The following NKAIN2 variants were observed in gnomAD, a reference collection of about 807,000 sequenced individuals.
The protein encoded by NKAIN2 is sodium/potassium transporting ATPase interacting 2.
NKAIN2 carries 14 observed loss-of-function variants against 32.6 expected under a neutral mutation model. That is an observed-to-expected ratio of 0.43 (90% CI 0.28 to 0.67). NKAIN2 has a LOEUF of 0.67. Among genes scored for constraint, NKAIN2 ranks in the 30% least tolerant of loss-of-function variants. NKAIN2 has a pLI of 0.17. For missense variants in NKAIN2, 198 were observed against 258.3 expected, an observed-to-expected ratio of 0.77 and a Z score of 1.60; for synonymous variants, 80 against 87.2, an observed-to-expected ratio of 0.92 and a Z score of 0.46.
intron 5 of NKAIN2, among the ~76,000 whole-genome samples, chr6:124,804,086 T>A (rs1780403262): frequency 6.6e-6 from 1 of 152,324 alleles, no homozygotes; most frequent in South Asian, 2.1e-4. Flanking sequence ...AGGCACAACC[T>A]GAGCACAGGT....
chr6:124,280,769 C>T (rs1473735838), intron 1 of NKAIN2, among the ~76,000 whole-genome samples: 1 of 152,116 alleles, frequency 6.6e-6, no homozygotes, highest in African/African-American at 2.4e-5. Context: ...ATATTATAAC[C>T]CTTACACTTA....
intron 1 of NKAIN2, among the ~76,000 whole-genome samples, chr6:124,148,370 A>G (rs966237995): frequency 1.6e-4 from 24 of 152,236 alleles, no homozygotes; most frequent in African/African-American, 5.8e-4. Context: ...CATTTCATCA[A>G]AAAGAAACTC....
At chr6:124,653,951 A>G (rs1195490613) in intron 3 of NKAIN2, among the ~76,000 whole-genome samples, 1 of 152,152 alleles carries the variant, frequency 6.6e-6, no homozygotes, top group African/African-American at 2.4e-5. Context: ...GTATATGAAA[A>G]TAGTCTCAAC....
At position 124,004,863 on chromosome 6, in the gene NKAIN2, A is replaced by T. The variant is rs1047483267; in HGVS notation, c.54+200609A>T. ...TACCCTAGAACTTAAGGTGTAATTAAAAAAAAAAAAGTAATAATAACAACA... is the reference window on the plus strand; with the variant it reads ...TACCCTAGAACTTAAGGTGTAATTATAAAAAAAAAAGTAATAATAACAACA... On this transcript the variant is annotated intron_variant, in intron 1 of 6. Coordinates refer to ENST00000368417, the MANE Select transcript of NKAIN2 (RefSeq NM_001040214.3). Among the ~76,000 whole-genome samples, 232 of 147,664 alleles carry T rather than the reference A, an allele frequency of 1.6e-3. 1 individual carries two copies. Among genetic ancestry groups the T allele is most frequent in the African/African-American group, 4.7e-3 (192 of 40,438 alleles).
chr6:124,422,469 T>G (rs1466489926), intron 3 of NKAIN2, among the ~76,000 whole-genome samples: 1 of 152,214 alleles, frequency 6.6e-6, no homozygotes, highest in Admixed American at 6.5e-5. Flanking sequence ...CCTATTATCT[T>G]TGTTCAAATT....
At chr6:124,553,406 C>G (rs1780362402) in intron 3 of NKAIN2, among the ~76,000 whole-genome samples, 1 of 152,200 alleles carries the variant, frequency 6.6e-6, no homozygotes, top group South Asian at 2.1e-4. Context: ...CTCCCAGGTT[C>G]AAGCGATTCT....
chr6:124,129,875 C>A (rs1041427544), intron 1 of NKAIN2, among the ~76,000 whole-genome samples: 1 of 152,124 alleles, frequency 6.6e-6, no homozygotes, highest in Non-Finnish European at 1.5e-5. Context: ...TGCCTCGCCT[C>A]CCAAAGTGCT....
At chr6:124,000,103 T>C (rs1293488469) in intron 1 of NKAIN2, among the ~76,000 whole-genome samples, 1 of 152,120 alleles carries the variant, frequency 6.6e-6, no homozygotes, top group Non-Finnish European at 1.5e-5. Context: ...AAATACTCTG[T>C]TCTTAACATT....
At chr6:124,351,155 C>T (rs752411030) in intron 2 of NKAIN2, among the ~76,000 whole-genome samples, 9 of 151,870 alleles carry the variant, frequency 5.9e-5, no homozygotes, top group Non-Finnish European at 8.8e-5. Context: ...TACATAATGG[C>T]GTTAATATAT....
At chr6:124,809,657 T>C (rs1292764411) in intron 5 of NKAIN2, among the ~76,000 whole-genome samples, 1 of 150,144 alleles carries the variant, frequency 6.7e-6, no homozygotes, top group Non-Finnish European at 1.5e-5. Flanking sequence ...CTAAAGAGCT[T>C]CTGCACAGCA....
chr6:124,342,814 TTTATTA>T (rs56290836), intron 2 of NKAIN2, among the ~76,000 whole-genome samples: 45,742 of 145,300 alleles, frequency 0.31, 7,343 homozygotes, highest in Admixed American at 0.39. Flanking sequence ...CAGAAGATGT[TTTATTA>T]TTATTATTAT....
At chr6:124,104,151 C>A (rs1163612409) in intron 1 of NKAIN2, among the ~76,000 whole-genome samples, 1 of 152,138 alleles carries the variant, frequency 6.6e-6, no homozygotes, top group Non-Finnish European at 1.5e-5. Flanking sequence ...TACCTGTTTA[C>A]CCCTTCGCTC....
intron 3 of NKAIN2, among the ~76,000 whole-genome samples, chr6:124,589,616 C>T (rs1056372441): frequency 1.8e-4 from 27 of 151,980 alleles, no homozygotes; most frequent in African/African-American, 5.3e-4. Context: ...AAAATGTGGG[C>T]GAGAAGAAAT....
At chr6:123,951,945 A>G (rs1428101825) in intron 1 of NKAIN2, among the ~76,000 whole-genome samples, 1 of 151,050 alleles carries the variant, frequency 6.6e-6, no homozygotes, top group Non-Finnish European at 1.5e-5. Flanking sequence ...TATAGTGGTA[A>G]CATTTGAAAT....
intron 1 of NKAIN2, among the ~76,000 whole-genome samples, chr6:123,827,235 G>A (rs542557828): frequency 6.6e-6 from 1 of 152,204 alleles, no homozygotes; most frequent in East Asian, 1.9e-4. Context: ...CTGAACAGAA[G>A]TAGTTAGAAG....
intron 3 of NKAIN2, among the ~76,000 whole-genome samples, chr6:124,416,886 G>A (rs570560130): frequency 1.3e-5 from 2 of 152,094 alleles, no homozygotes; most frequent in Admixed American, 1.3e-4. Context: ...CTACAGACCA[G>A]GATTTCAGCA....
chr6:124,645,863 G>A (rs1200839278), intron 3 of NKAIN2, among the ~76,000 whole-genome samples: 2 of 152,060 alleles, frequency 1.3e-5, no homozygotes, highest in Non-Finnish European at 2.9e-5. Context: ...TTCATTCACT[G>A]GCTGCTGTTC....
chr6:124,395,650 T>C (rs1773346746), intron 3 of NKAIN2, among the ~76,000 whole-genome samples: 1 of 152,186 alleles, frequency 6.6e-6, no homozygotes, highest in Admixed American at 6.5e-5. Context: ...ATTCCTCTCT[T>C]AAACCCTTCA....
intron 1 of NKAIN2, among the ~76,000 whole-genome samples, chr6:123,935,532 T>C (rs58650857): frequency 1.8e-3 from 276 of 151,992 alleles, no homozygotes; most frequent in African/African-American, 6.1e-3. Context: ...AATTTTTGAA[T>C]GTGTTAAGTT....
Sources: allele counts gnomAD v4.1 joint callset (sites outside exome capture counted in the v4.1 genomes callset), GRCh38; gene constraint gnomAD v4.1.1; transcripts MANE v1.5; gene names NCBI Gene and HGNC (gene_info 2026-07-23, HGNC 2026-07-21).